Variants in NTM observed in about 807,000 individuals in gnomAD.
The protein encoded by NTM is IgLON family member 2.
In NTM, 13 loss-of-function variants were observed where a neutral mutation model predicts 42.1. The observed-to-expected ratio is 0.31, with a 90% CI of 0.20 to 0.49. The LOEUF (loss-of-function observed/expected upper bound fraction) is 0.49, where lower values mean the gene tolerates loss of function less well. NTM is among the 20% of genes least tolerant of loss of function. The pLI is 0.99. For missense variants in NTM, 373 were observed against 452.8 expected, an observed-to-expected ratio of 0.82 and a Z score of 1.60; for synonymous variants, 187 against 179.2, an observed-to-expected ratio of 1.04 and a Z score of -0.35.
intron 1 of NTM, among the ~76,000 whole-genome samples, chr11:131,401,294 G>A (rs1488375795): frequency 6.6e-6 from 1 of 152,086 alleles, no homozygotes; most frequent in African/African-American, 2.4e-5. Context: ...ATTTGAGAAG[G>A]TGTCTTTTTT....
At chr11:131,680,333 A>G (rs1408611369) in intron 1 of NTM, among the ~76,000 whole-genome samples, 1 of 150,228 alleles carries the variant, frequency 6.7e-6, no homozygotes, top group African/African-American at 2.5e-5. Flanking sequence ...GAGCACATCT[A>G]TGTATGTGTC....
intron 5 of NTM, among the ~76,000 whole-genome samples, chr11:132,308,187 T>C (rs899934802): frequency 6.6e-6 from 1 of 152,200 alleles, no homozygotes; most frequent in Non-Finnish European, 1.5e-5. Flanking sequence ...CCTCTCACTG[T>C]CTAGACCAGA....
chr11:131,992,582 A>G (rs945786530), intron 2 of NTM, among the ~76,000 whole-genome samples: 5 of 152,080 alleles, frequency 3.3e-5, no homozygotes, highest in Admixed American at 6.6e-5. Context: ...TGGCTTTTTT[A>G]TTCTCCTCTT....
At chr11:131,575,233 T>C (rs191236058) in intron 1 of NTM, among the ~76,000 whole-genome samples, 2 of 152,304 alleles carry the variant, frequency 1.3e-5, no homozygotes, top group African/African-American at 2.4e-5. Context: ...CAGTTTAACA[T>C]TGTTAAATTA....
At chr11:131,625,676 GAC>G (rs1304036710) in intron 1 of NTM, among the ~76,000 whole-genome samples, 3 of 151,946 alleles carry the variant, frequency 2.0e-5, no homozygotes, top group Non-Finnish European at 1.5e-5. Context: ...TGCCAATAAA[GAC>G]ACAGAATGAA....
intron 2 of NTM, among the ~76,000 whole-genome samples, chr11:131,932,053 C>G (rs1592970471): frequency 6.6e-6 from 1 of 152,338 alleles, no homozygotes; most frequent in East Asian, 1.9e-4. Flanking sequence ...AAGCGTGTCT[C>G]TGGATGGCAA....
At chr11:132,036,773 T>A (rs556319661) in intron 2 of NTM, among the ~76,000 whole-genome samples, 2 of 152,218 alleles carry the variant, frequency 1.3e-5, no homozygotes, top group Non-Finnish European at 2.9e-5. Context: ...TAACTCCTTG[T>A]TTTTATTAAT....
intron 2 of NTM, among the ~76,000 whole-genome samples, chr11:132,121,325 T>C (rs2064783462): frequency 6.6e-6 from 1 of 151,888 alleles, no homozygotes; most frequent in South Asian, 2.1e-4. Context: ...AAAAGTAAAA[T>C]ATAAAACAAA....
chr11:131,523,089 T>C (rs1305325699), intron 1 of NTM, among the ~76,000 whole-genome samples: 1 of 152,214 alleles, frequency 6.6e-6, no homozygotes, highest in Non-Finnish European at 1.5e-5. Flanking sequence ...GGATTGCTTG[T>C]GGTTGTACCA....
In NTM at chr11:132,043,059, G is replaced by A. The variant is rs1261511590; in HGVS notation, c.168-103223G>A. 2.0e-5 allele frequency among the ~76,000 whole-genome samples: 3 copies of A among 152,308 alleles called. No individual in the cohort carries two copies. The East Asian group carries it at 5.8e-4, about 29-fold the overall frequency. ...AGTGGAATACATTGTAGAGGCAGGG[G>A]CAGTTCTTATGATGCTGTAGCATAA... On this transcript the variant is annotated intron_variant, in intron 2 of 8. Coordinates refer to ENST00000683400, the MANE Select transcript of NTM (RefSeq NM_001352005.2).
At chr11:132,213,363 T>G (rs899166016) in intron 4 of NTM, among the ~76,000 whole-genome samples, 5 of 152,054 alleles carry the variant, frequency 3.3e-5, no homozygotes, top group Non-Finnish European at 7.4e-5. Flanking sequence ...GAAGGTTCCC[T>G]TATTGAGGTG....
chr11:131,982,186 G>T (rs539771345), intron 2 of NTM, among the ~76,000 whole-genome samples: 4 of 152,196 alleles, frequency 2.6e-5, no homozygotes, highest in Middle Eastern at 3.4e-3. Context: ...GTGGAGGGAG[G>T]GGGGACTTGG....
chr11:131,451,123 T>C (rs1436115388), intron 1 of NTM, among the ~76,000 whole-genome samples: 1 of 151,368 alleles, frequency 6.6e-6, no homozygotes, highest in South Asian at 2.1e-4. Flanking sequence ...GTTTCAGAAT[T>C]AGAAAAAAAA....
At chr11:132,114,961 C>A (rs1651015932) in intron 2 of NTM, among the ~76,000 whole-genome samples, 1 of 152,116 alleles carries the variant, frequency 6.6e-6, no homozygotes, top group African/African-American at 2.4e-5. Context: ...GGATATATAC[C>A]CACAAGTGGG....
In NTM at chr11:132,113,427, C is replaced by T. The variant is rs902847646; in HGVS notation, c.168-32855C>T. ...TCTGAAAGCCAGTCTGTGTGCACCA[C>T]GTACACATTTTCCCTCTAGGTCTCT... On this transcript the variant is annotated intron_variant, in intron 2 of 8. Transcript: ENST00000683400. 4.4e-4 allele frequency among the ~76,000 whole-genome samples: 67 copies of T among 152,192 alleles called. 1 individual carries two copies. The highest frequency in any genetic ancestry group is 1.9e-4 in the Non-Finnish European group (13 of 68,020).
chr11:131,671,398 T>TA, intron 1 of NTM: 1 of 983,206 alleles, frequency 1.0e-6, no homozygotes, highest in Non-Finnish European at 1.2e-6. Flanking sequence ...CCTTCTACAT[T>TA]ACCTGCATAT....
intron 1 of NTM, among the ~76,000 whole-genome samples, chr11:131,742,377 T>A (rs978914906): frequency 2.0e-5 from 3 of 152,384 alleles, no homozygotes; most frequent in Non-Finnish European, 2.9e-5. Context: ...TTGGAATTTA[T>A]TCATTTTATG....
At chr11:131,532,051 G>A (rs1346355544) in intron 1 of NTM, among the ~76,000 whole-genome samples, 1 of 152,112 alleles carries the variant, frequency 6.6e-6, no homozygotes, top group Non-Finnish European at 1.5e-5. Context: ...TGTTTGTGGT[G>A]ATTTTCATTT....
At chr11:131,965,941 G>T (rs2062777880) in intron 2 of NTM, among the ~76,000 whole-genome samples, 1 of 135,836 alleles carries the variant, frequency 7.4e-6, no homozygotes, top group African/African-American at 2.7e-5. Context: ...GAGGGAAGGG[G>T]GAAGGAAAGG....
Sources: allele counts gnomAD v4.1 joint callset (sites outside exome capture counted in the v4.1 genomes callset), GRCh38; gene constraint gnomAD v4.1.1; transcripts MANE v1.5; gene names NCBI Gene and HGNC (gene_info 2026-07-23, HGNC 2026-07-21).